The following SNTG2 variants were observed in gnomAD, a reference collection of about 807,000 sequenced individuals.
SNTG2 encodes the protein gamma-2-syntrophin.
A neutral mutation model predicts 70.9 loss-of-function variants in SNTG2; 74 were observed. The observed-to-expected ratio is 1.04, with a 90% CI of 0.86 to 1.27. SNTG2 has a LOEUF of 1.27. Ranked by LOEUF, SNTG2 falls within the 50% of genes most tolerant of loss-of-function variation. The pLI, the probability that SNTG2 is intolerant of heterozygous loss-of-function variation, is 0.00. For synonymous variants in SNTG2, 278 were observed against 273.8 expected (o/e 1.02, Z -0.15); for missense variants, 717 against 690.7 (o/e 1.04, Z -0.43).
intron 4 of SNTG2, among the ~76,000 whole-genome samples, chr2:1,113,162 CTAAG>C (rs1666631751): frequency 1.3e-5 from 2 of 149,182 alleles, no homozygotes; most frequent in Admixed American, 6.7e-5. Context: ...ATCGTGGGTA[CTAAG>C]TGAGGTTTAA....
At chr2:964,022 C>G (rs1368875750) in intron 1 of SNTG2, among the ~76,000 whole-genome samples, 1 of 152,130 alleles carries the variant, frequency 6.6e-6, no homozygotes, top group Non-Finnish European at 1.5e-5. Flanking sequence ...GCTCAGCGAT[C>G]CACGCAGTCA....
intron 1 of SNTG2, among the ~76,000 whole-genome samples, chr2:959,830 A>G (rs1465875545): frequency 6.6e-6 from 1 of 151,638 alleles, no homozygotes; most frequent in Non-Finnish European, 1.5e-5. Context: ...GTTTGTATGA[A>G]TAGTGGCATG....
intron 14 of SNTG2, among the ~76,000 whole-genome samples, chr2:1,301,964 CT>C (rs773498290): frequency 6.5e-3 from 924 of 141,120 alleles, no homozygotes; most frequent in African/African-American, 0.012. Flanking sequence ...AGTTTTCTTA[CT>C]TTTTTTTTTT....
intron 2 of SNTG2, among the ~76,000 whole-genome samples, chr2:1,088,138 C>G (rs7561746): frequency 0.2 from 29,928 of 152,090 alleles, 3,157 homozygotes; most frequent in South Asian, 0.27. Flanking sequence ...ATTTCCCTTA[C>G]AATATTTTAT....
At chr2:1,358,382 T>TA (rs1660964551) in intron 16 of SNTG2, among the ~76,000 whole-genome samples, 1 of 151,442 alleles carries the variant, frequency 6.6e-6, no homozygotes, top group African/African-American at 2.4e-5. Flanking sequence ...CAATCTTTAT[T>TA]TTTTTTTTGT....
intron 8 of SNTG2, among the ~76,000 whole-genome samples, chr2:1,192,187 G>A (rs1672637026): frequency 6.6e-6 from 1 of 152,210 alleles, no homozygotes; most frequent in Non-Finnish European, 1.5e-5. Context: ...AGATGATGTG[G>A]GGCAGAGGGA....
At chr2:1,157,367 C>T (rs1464836209) in intron 6 of SNTG2, among the ~76,000 whole-genome samples, 4 of 152,292 alleles carry the variant, frequency 2.6e-5, no homozygotes, top group East Asian at 1.9e-4. Flanking sequence ...CCCGGCACCG[C>T]GGCTCGTGCG....
intron 1 of SNTG2, among the ~76,000 whole-genome samples, chr2:1,055,704 C>T (rs1662348896): frequency 6.6e-6 from 1 of 152,192 alleles, no homozygotes; most frequent in African/African-American, 2.4e-5. Flanking sequence ...AAACCCGGAA[C>T]AGTAATTGAT....
chr2:1,113,244 G>C lies in SNTG2; in HGVS notation c.325+14834G>C, dbSNP rs954620806. Among the ~76,000 whole-genome samples the C allele has an allele frequency of 3.1e-3, 452 of 143,796 alleles. 5 individuals carry two copies. Among genetic ancestry groups the C allele is most frequent in the African/African-American group, 0.011 (432 of 38,426 alleles). The allele number at this position is 143,796 out of a possible 152,430, so 94.3% of individuals were successfully genotyped here. A position where few individuals can be genotyped will look rare whatever the true frequency, so the allele number is the denominator to read the frequency against. ...ACCTTTACAGTCCTTTCAGAAGGAT[G>C]GTGTGTACTAAGTGAGGTTTAACCC... On this transcript the variant is annotated intron_variant, in intron 4 of 16. Transcript: ENST00000308624.
chr2:961,660 T>C (rs566634947), intron 1 of SNTG2, among the ~76,000 whole-genome samples: 8 of 152,362 alleles, frequency 5.3e-5, no homozygotes, highest in Admixed American at 1.3e-4. Context: ...GGATCTCTTA[T>C]GTCATTTTGA....
chr2:1,226,158 A>G (rs1675762817), intron 9 of SNTG2, among the ~76,000 whole-genome samples: 1 of 152,196 alleles, frequency 6.6e-6, no homozygotes, highest in Non-Finnish European at 1.5e-5. Context: ...TTTTGATTCC[A>G]TGGGCTTTGA....
Position 1,353,167 on chromosome 2 carries a change from C to T in SNTG2, c.1489-14176C>T, listed in dbSNP as rs1261837539. ...TGTGGCGGGAGCACATATACCTCAG[C>T]AGTGAGCAAAGGCTGCACATCAGGC... On this transcript the variant is annotated intron_variant, in intron 16 of 16. Transcript: ENST00000308624. The surrounding 1 kb of genome is among the most constrained non-coding windows in gnomAD (Gnocchi z 4.2). Among the ~76,000 whole-genome samples, 1 of 152,140 alleles carries T rather than the reference C, an allele frequency of 6.6e-6. No individual in the cohort carries two copies. Among genetic ancestry groups the T allele is most frequent in the South Asian group, 2.1e-4 (1 of 4,830 alleles).
intron 12 of SNTG2, among the ~76,000 whole-genome samples, chr2:1,253,432 G>A (rs1677877027): frequency 6.6e-6 from 1 of 152,208 alleles, no homozygotes; most frequent in South Asian, 2.1e-4. Flanking sequence ...CCAGGTGCCA[G>A]TGAGTGTTGC....
chr2:1,266,076 G>A (rs1678715307), intron 13 of SNTG2, among the ~76,000 whole-genome samples: 1 of 152,040 alleles, frequency 6.6e-6, no homozygotes, highest in Admixed American at 6.6e-5. Flanking sequence ...GAGAAGGATA[G>A]AGAGAGACAG....
intron 8 of SNTG2, among the ~76,000 whole-genome samples, chr2:1,177,938 CTACTG>C (rs1162790200): frequency 6.6e-6 from 1 of 152,110 alleles, no homozygotes; most frequent in Non-Finnish European, 1.5e-5. Context: ...ATTAGCCAGA[CTACTG>C]TATTGTTGGA....
chr2:1,072,581 A>G (rs917222971), intron 1 of SNTG2, among the ~76,000 whole-genome samples: 1 of 152,166 alleles, frequency 6.6e-6, no homozygotes, highest in African/African-American at 2.4e-5. Context: ...TGGTCACCCA[A>G]GAGCTCTGAT....
intron 14 of SNTG2, among the ~76,000 whole-genome samples, chr2:1,286,443 G>A (rs1414560087): frequency 6.6e-6 from 1 of 152,220 alleles, no homozygotes; most frequent in Non-Finnish European, 1.5e-5. Flanking sequence ...GTTTCCAGCT[G>A]ATGGGGAACA....
intron 1 of SNTG2, among the ~76,000 whole-genome samples, chr2:1,048,905 AT>A (rs1472345177): frequency 3.5e-4 from 54 of 152,282 alleles, no homozygotes; most frequent in African/African-American, 1.3e-3. Context: ...TCTGGTTTGC[AT>A]TCTCTGCTGA....
At chr2:1,307,231 TGTG>T (rs1680729050) in intron 14 of SNTG2, among the ~76,000 whole-genome samples, 1 of 148,074 alleles carries the variant, frequency 6.8e-6, no homozygotes, top group Non-Finnish European at 1.5e-5. Context: ...TGTCTGTGTC[TGTG>T]GTGGGTGAGC....
Sources: gnomAD v4.1 joint callset for allele counts (sites outside exome capture counted in the v4.1 genomes callset) on GRCh38, gnomAD v4.1.1 for gene constraint, Gnocchi (gnomAD v3.1) non-coding constraint, MANE v1.5 for transcripts, NCBI Gene and HGNC (gene_info 2026-07-23, HGNC 2026-07-21) for gene names.